The following KDM5A variants were observed in gnomAD, a reference collection of about 807,000 sequenced individuals.
KDM5A encodes the protein lysine demethylase 5A, also known as lysine-specific demethylase 5A.
A neutral mutation model predicts 193.5 loss-of-function variants in KDM5A; 42 were observed. The ratio of observed to expected loss-of-function variants is 0.22; its 90% CI spans 0.17 to 0.28. KDM5A has a LOEUF of 0.28. Among genes scored for constraint, KDM5A ranks in the 10% least tolerant of loss-of-function variants. The pLI, the probability that KDM5A is intolerant of heterozygous loss-of-function variation, is 1.00. For synonymous variants in KDM5A, 796 were observed against 718.1 expected (o/e 1.11, Z -1.73); for missense variants, 1,692 against 2,055.1 (o/e 0.82, Z 3.42).
chr12:352,732 G>A (rs1205084296), intron 8 of KDM5A, among the ~76,000 whole-genome samples: 1 of 152,198 alleles, frequency 6.6e-6, no homozygotes, highest in Non-Finnish European at 1.5e-5. Flanking sequence ...CCACTGGATT[G>A]TGAGGATATC....
intron 2 of KDM5A, among the ~76,000 whole-genome samples, chr12:385,185 A>G (rs1944624988): frequency 6.6e-6 from 1 of 151,430 alleles, no homozygotes; most frequent in Non-Finnish European, 1.5e-5. Context: ...TCTCTGGAAA[A>G]AAAAAAAAAA....
At chr12:306,846 T>C (rs2137386076) in intron 24 of KDM5A, 100 bp downstream of exon 24, 1 of 1,160,130 alleles carries the variant, frequency 8.6e-7, no homozygotes, top group South Asian at 1.3e-5. Context: ...GTTTTCTCTT[T>C]CACTTTCAGG....
At chr12:361,568 C>T (rs1023305157) in intron 5 of KDM5A, among the ~76,000 whole-genome samples, 1 of 151,786 alleles carries the variant, frequency 6.6e-6, no homozygotes, top group African/African-American at 2.4e-5. Flanking sequence ...AGGTGAACAT[C>T]AAAAAAAATT....
intron 2 of KDM5A, among the ~76,000 whole-genome samples, 191 bp from the exon 3 acceptor site, chr12:384,344 G>C (rs1944613820): frequency 6.6e-6 from 1 of 152,176 alleles, no homozygotes; most frequent in Non-Finnish European, 1.5e-5. Flanking sequence ...ACCCTATTGT[G>C]AACTGCGTGT....
At chr12:356,159 G>C (rs1389666393) in intron 6 of KDM5A, among the ~76,000 whole-genome samples, 1 of 151,996 alleles carries the variant, frequency 6.6e-6, no homozygotes, top group East Asian at 1.9e-4. Context: ...TCATAAACCA[G>C]CCTTCAGAAA....
At chr12:378,407 G>C (rs991127959) in intron 3 of KDM5A, among the ~76,000 whole-genome samples, 6 of 152,072 alleles carry the variant, frequency 3.9e-5, no homozygotes, top group African/African-American at 1.4e-4. Flanking sequence ...ACAGGCGCAT[G>C]CCACCACACC....
In KDM5A at chr12:321,025, C is replaced by T. The variant is rs374040711; in HGVS notation, c.2511G>A (p.Pro837=). Residue 837 remains proline (P), a synonymous_variant, in exon 18 of 28, where the codon CCG becomes CCA. Transcript: ENST00000399788. ...KAFVQQLFSL[P]CVISQARQVK... Reference sequence around the variant, plus strand: ...CTTGCCGAGCTTGGCTGATGACACACGGAAGACTAAAAAGTTGTTGGACAA... The same window carrying T: ...CTTGCCGAGCTTGGCTGATGACACATGGAAGACTAAAAAGTTGTTGGACAA... 11 of 1,614,010 alleles carry T rather than the reference C, an allele frequency of 6.8e-6. No homozygotes were observed. The highest frequency in any genetic ancestry group is 1.3e-5 in the African/African-American group (1 of 75,042).
chr12:373,656 TTTTAA>T (rs1565550850), intron 3 of KDM5A, among the ~76,000 whole-genome samples: 1 of 152,218 alleles, frequency 6.6e-6, no homozygotes, highest in African/African-American at 2.4e-5. Flanking sequence ...TCTCTAGTTC[TTTTAA>T]TTGTGATGTT....
At chr12:356,372 G>T in intron 6 of KDM5A, 60 bp downstream of exon 6, 1 of 1,028,900 alleles carries the variant, frequency 9.7e-7, no homozygotes, top group Non-Finnish European at 1.5e-6. Context: ...AGTATCATTT[G>T]AGTTTTTTTA....
At position 318,129 on chromosome 12, in the gene KDM5A, C is replaced by T. The variant is rs749452653; in HGVS notation, c.2874G>A (p.Lys958=). 6.2e-7 allele frequency: 1 copy of T among 1,614,206 alleles called. No homozygotes were observed. Among genetic ancestry groups the T allele is most frequent in the Admixed American group, 1.7e-5 (1 of 60,028 alleles). The change falls in exon 19 of 28, where the codon AAG becomes AAA. Residue 958 remains lysine, a synonymous_variant. Transcript: ENST00000399788. ...LLTVSERWEE[K]AKVCLQARPR... ...ACCTTGCCTGTAGGCAGACCTTAGC[C>T]TTTTCTTCCCATCGTTCAGAGACTG... is the stretch of plus-strand genomic sequence containing the variant.
Position 295,731 on chromosome 12 carries a change from G to A in KDM5A, c.4297C>T (p.Pro1433Ser), listed in dbSNP as rs781052411. The A allele has an allele frequency of 1.9e-6, 3 of 1,614,080 alleles. No homozygotes were observed. Among genetic ancestry groups the A allele is most frequent in the Admixed American group, 1.7e-5 (1 of 60,016 alleles). Residue 1433 changes from proline to serine, a missense_variant, in exon 26 of 28, where the codon CCA becomes TCA. Physicochemically the swap from Pro to Ser is moderately conservative, Grantham distance 74. This residue lies in a region of KDM5A where 965 missense variants were observed against 1,061.0 expected (regional missense o/e 0.91). Coordinates refer to ENST00000399788, the MANE Select transcript of KDM5A (RefSeq NM_001042603.3). ...GCTCCAGGTGACAACTCCAGCACTG[G>A]AGGTTCCAAACTTCGGGGCACCAAA... The part of the protein sequence containing the change: ...SPLVPRSLEP[P>S]VLELSPGAKA...
At chr12:369,099 T>C (rs1040763993) in intron 3 of KDM5A, among the ~76,000 whole-genome samples, 2 of 152,256 alleles carry the variant, frequency 1.3e-5, no homozygotes, top group Non-Finnish European at 2.9e-5. Context: ...CAAATTCATA[T>C]GCACAAGAGT....
At chr12:304,565 G>A (rs372151744) in intron 24 of KDM5A, among the ~76,000 whole-genome samples, 3 of 149,332 alleles carry the variant, frequency 2.0e-5, no homozygotes, top group African/African-American at 7.4e-5. Flanking sequence ...ATTACCATAA[G>A]TCTTGCCACC....
At chr12:382,536 GTA>G (rs1234472002) in intron 3 of KDM5A, among the ~76,000 whole-genome samples, 3 of 151,830 alleles carry the variant, frequency 2.0e-5, no homozygotes, top group African/African-American at 7.3e-5. Context: ...TTTCAAAATA[GTA>G]TATAAATTAT....
intron 22 of KDM5A, among the ~76,000 whole-genome samples, chr12:308,853 A>C (rs1943546412): frequency 6.6e-6 from 1 of 152,130 alleles, no homozygotes. Context: ...TTTATTTTCC[A>C]TTTCCTCAGG....
At chr12:315,598 A>G (rs1218774818) in intron 19 of KDM5A, among the ~76,000 whole-genome samples, 14 of 152,066 alleles carry the variant, frequency 9.2e-5, no homozygotes, top group Admixed American at 9.2e-4. Flanking sequence ...GGGTGGGGTG[A>G]AAAAGAATGA....
intron 10 of KDM5A, among the ~76,000 whole-genome samples, chr12:335,468 A>G (rs186731708): frequency 1.8e-3 from 281 of 152,358 alleles, no homozygotes; most frequent in Non-Finnish European, 2.8e-3. Flanking sequence ...ATGTGCTATC[A>G]TAACAGATTG....
intron 3 of KDM5A, among the ~76,000 whole-genome samples, chr12:372,979 C>T (rs988695898): frequency 3.9e-5 from 6 of 152,146 alleles, no homozygotes; most frequent in Non-Finnish European, 5.9e-5. Flanking sequence ...TGATGTGCTG[C>T]TGGATTTGGT....
chr12:307,375 T>C lies in KDM5A; in HGVS notation c.3930+79A>G, dbSNP rs1029876453. On this transcript the variant is annotated intron_variant, in intron 23 of 27. Coordinates refer to ENST00000399788, the MANE Select transcript of KDM5A (RefSeq NM_001042603.3). This position sits in a 1 kb window ranked among gnomAD's most constrained non-coding sequence, Gnocchi z 4.3. ...AGTTACTGTTATTTTCCTAATCAAT[T>C]GGTAAGACAGACTCAATTTACTATT... 5.6e-6 allele frequency: 8 copies of C among 1,436,548 alleles called. No individual in the cohort carries two copies. In the African/African-American group the frequency reaches 9.8e-5, roughly 18 times the overall value. The allele number at this position is 1,436,548 out of a possible 1,614,324, so 89.0% of individuals were successfully genotyped here. A position where few individuals can be genotyped will look rare whatever the true frequency, so the allele number is the denominator to read the frequency against.
Sources: gnomAD v4.1 joint callset for allele counts (sites outside exome capture counted in the v4.1 genomes callset) on GRCh38, gnomAD v4.1.1 for gene constraint, gnomAD v4.1.1 regional missense constraint, Gnocchi (gnomAD v3.1) non-coding constraint, MANE v1.5 for transcripts, NCBI Gene and HGNC (gene_info 2026-07-23, HGNC 2026-07-21) for gene names.